DIPK1A: variants seen among roughly 807,000 people sequenced by gnomAD.
DIPK1A encodes the protein divergent protein kinase domain 1A.
DIPK1A carries 27 observed loss-of-function variants against 40.8 expected under a neutral mutation model. The observed-to-expected ratio is 0.66, with a 90% CI of 0.49 to 0.91. DIPK1A has a LOEUF of 0.91. DIPK1A is among the 40% of genes least tolerant of loss of function. The pLI, the probability that DIPK1A is intolerant of heterozygous loss-of-function variation, is 0.00. For synonymous variants in DIPK1A, 166 were observed against 171.3 expected, an observed-to-expected ratio of 0.97 and a Z score of 0.24; for missense variants, 412 against 505.7, an observed-to-expected ratio of 0.81 and a Z score of 1.78.
intron 2 of DIPK1A, among the ~76,000 whole-genome samples, chr1:92,870,114 A>G (rs1202584030): frequency 3.3e-5 from 5 of 150,970 alleles, no homozygotes; most frequent in Admixed American, 1.3e-4. Context: ...ACACACACAC[A>G]TATCTGTTGC....
At chr1:92,890,734 T>A (rs1648832070) in intron 1 of DIPK1A, among the ~76,000 whole-genome samples, 1 of 152,210 alleles carries the variant, frequency 6.6e-6, no homozygotes, top group African/African-American at 2.4e-5. Context: ...TTACTGAGGA[T>A]TTTTACATCT....
chr1:92,854,071 G>A lies in DIPK1A; in HGVS notation c.190-3116C>T, dbSNP rs6696865. On this transcript the variant is annotated intron_variant, in intron 2 of 4. Transcript: ENST00000370310. Reference sequence around the variant, plus strand: ...CTGGTTAATTTTTTAATTTTTTGTAGAGATGGGGTTTCACTTTGTTGCCCA... The same window carrying A: ...CTGGTTAATTTTTTAATTTTTTGTAAAGATGGGGTTTCACTTTGTTGCCCA... 2.2e-3 allele frequency among the ~76,000 whole-genome samples: 342 copies of A among 152,210 alleles called. 2 individuals carry two copies. Among genetic ancestry groups the A allele is most frequent in the African/African-American group, 7.8e-3 (324 of 41,532 alleles).
At chr1:92,953,428 C>T (rs1651720957) in intron 1 of DIPK1A, among the ~76,000 whole-genome samples, 2 of 152,078 alleles carry the variant, frequency 1.3e-5, no homozygotes, top group South Asian at 4.2e-4. Context: ...AAATTGAAAG[C>T]AAGATCTCAA....
At position 92,938,962 on chromosome 1, in the gene DIPK1A, G is replaced by A. The variant is rs1192829279; in HGVS notation, c.54+22414C>T. 2.6e-5 allele frequency among the ~76,000 whole-genome samples: 4 copies of A among 152,212 alleles called. 1 individual carries two copies. Among genetic ancestry groups the A allele is most frequent in the Admixed American group, 2.0e-4 (3 of 15,284 alleles). On this transcript the variant is annotated intron_variant, in intron 1 of 4. Transcript: ENST00000370310. ...TGTCACCCAGGCTGGAGGCAGTGGT[G>A]TGATCTCGGCTCACTGCAACCTCTG...
chr1:92,914,675 AGG>A (rs1649974641), intron 1 of DIPK1A, among the ~76,000 whole-genome samples: 1 of 151,836 alleles, frequency 6.6e-6, no homozygotes, highest in South Asian at 2.1e-4. Flanking sequence ...AGACTGAGGC[AGG>A]AGAAGTGCTT....
At chr1:92,913,441 G>C (rs1205627026) in intron 1 of DIPK1A, among the ~76,000 whole-genome samples, 3 of 151,858 alleles carry the variant, frequency 2.0e-5, no homozygotes, top group Non-Finnish European at 4.4e-5. Context: ...TTTCTGCTTC[G>C]AGAAGACAGA....
chr1:92,932,086 G>C, intron 1 of DIPK1A: 1 of 414,122 alleles, frequency 2.4e-6, no homozygotes, highest in South Asian at 2.1e-5. Flanking sequence ...TGACTACATA[G>C]ATTAAAATAT....
intron 1 of DIPK1A, among the ~76,000 whole-genome samples, chr1:92,882,613 A>G (rs1648428875): frequency 6.6e-6 from 1 of 152,246 alleles, no homozygotes; most frequent in Non-Finnish European, 1.5e-5. Flanking sequence ...TCTTAGCATT[A>G]TGAGATTTAA....
At chr1:92,905,959 T>C (rs1374398700) in intron 1 of DIPK1A, among the ~76,000 whole-genome samples, 1 of 152,184 alleles carries the variant, frequency 6.6e-6, no homozygotes, top group African/African-American at 2.4e-5. Flanking sequence ...TTCTGGGTTC[T>C]CTATCCTGTT....
chr1:92,840,589 A>G, downstream of DIPK1A: 1 of 1,613,020 alleles, frequency 6.2e-7, no homozygotes, highest in East Asian at 2.2e-5. Flanking sequence ...CTGCTATACG[A>G]GAGAATCCAG....
At chr1:92,836,787 G>A in intron 4 of DIPK1A, 1 of 220,878 alleles carries the variant, frequency 4.5e-6, no homozygotes, top group Non-Finnish European at 9.2e-6. Flanking sequence ...TAAGAAGTTT[G>A]AGGAAAAGGC....
At chr1:92,949,296 C>CA (rs1474676684) in intron 1 of DIPK1A, among the ~76,000 whole-genome samples, 1 of 149,664 alleles carries the variant, frequency 6.7e-6, no homozygotes, top group Non-Finnish European at 1.5e-5. Context: ...TTTTTTGAGA[C>CA]AGAGTTTCGC....
At chr1:92,848,195 T>C (rs1323483834) in intron 3 of DIPK1A, among the ~76,000 whole-genome samples, 3 of 152,200 alleles carry the variant, frequency 2.0e-5, no homozygotes, top group Non-Finnish European at 4.4e-5. Context: ...GTTGCCCCTC[T>C]TCTACATAAA....
At chr1:92,898,152 G>C (rs1329108776) in intron 1 of DIPK1A, among the ~76,000 whole-genome samples, 1 of 151,052 alleles carries the variant, frequency 6.6e-6, no homozygotes, top group East Asian at 1.9e-4. Context: ...ATTGGCTCAT[G>C]GTTCTGCAGG....
chr1:92,843,123 T>C lies in DIPK1A; in HGVS notation c.*260A>G. ...ATGAAGCTTTTCACAGCATTGGTTT[T>C]TAAAGTCAGTCAAAATAGTTACACA... On this transcript the variant is annotated 3_prime_UTR_variant, in exon 5 of 5. Coordinates refer to ENST00000370310, the MANE Select transcript of DIPK1A (RefSeq NM_001006605.5). 1 of 1,147,268 alleles carries C rather than the reference T, an allele frequency of 8.7e-7. No individual in the cohort carries two copies. Among genetic ancestry groups the C allele is most frequent in the Non-Finnish European group, 1.1e-6 (1 of 931,726 alleles). 71.1% of individuals were successfully genotyped at this position (1,147,268 alleles called of 1,614,324 possible). A position where few individuals can be genotyped will look rare whatever the true frequency, so the allele number is the denominator to read the frequency against.
chr1:92,898,902 A>G (rs1172477833), intron 1 of DIPK1A, among the ~76,000 whole-genome samples: 1 of 152,084 alleles, frequency 6.6e-6, no homozygotes, highest in African/African-American at 2.4e-5. Context: ...AGCTGCGACC[A>G]CAGACATGTG....
At chr1:92,833,624 G>A in intron 4 of DIPK1A, 1 of 1,612,268 alleles carries the variant, frequency 6.2e-7, no homozygotes, top group Non-Finnish European at 8.5e-7. Context: ...AATACAGGAT[G>A]ATAGTTCGTG....
intron 1 of DIPK1A, among the ~76,000 whole-genome samples, chr1:92,913,957 C>T (rs1184552553): frequency 6.6e-6 from 1 of 152,024 alleles, no homozygotes; most frequent in African/African-American, 2.4e-5. Flanking sequence ...GGCATTCATT[C>T]AATCAAAGCA....
intron 2 of DIPK1A, among the ~76,000 whole-genome samples, chr1:92,861,464 T>C (rs1284666667): frequency 6.6e-6 from 1 of 150,954 alleles, no homozygotes; most frequent in Non-Finnish European, 1.5e-5. Context: ...GTAGCTGGGA[T>C]TGCAGGCAAG....
Sources: allele counts gnomAD v4.1 joint callset (sites outside exome capture counted in the v4.1 genomes callset), GRCh38; gene constraint gnomAD v4.1.1; transcripts MANE v1.5; gene names NCBI Gene and HGNC (gene_info 2026-07-23, HGNC 2026-07-21).